Variants in SYNPR observed in about 807,000 individuals in gnomAD.
SYNPR encodes synaptoporin.
Under a neutral mutation model 32.9 loss-of-function variants are expected in SYNPR, and 23 were observed. That is an observed-to-expected ratio of 0.70 (90% CI 0.50 to 0.99). The LOEUF is 0.99. Among genes scored for constraint, SYNPR ranks in the 50% least tolerant of loss-of-function variants. SYNPR has a pLI of 0.00. For missense variants in SYNPR, 318 were observed against 349.3 expected, an observed-to-expected ratio of 0.91 and a Z score of 0.71; for synonymous variants, 146 against 135.9, an observed-to-expected ratio of 1.07 and a Z score of -0.52.
At chr3:63,521,867 C>T (rs1039469553) in intron 3 of SYNPR, among the ~76,000 whole-genome samples, 1 of 152,166 alleles carries the variant, frequency 6.6e-6, no homozygotes, top group Non-Finnish European at 1.5e-5. Flanking sequence ...TGAGGGCTGG[C>T]ATTGGCCATA....
intron 1 of SYNPR, among the ~76,000 whole-genome samples, chr3:63,252,318 A>G (rs1485684912): frequency 6.6e-6 from 1 of 152,186 alleles, no homozygotes; most frequent in African/African-American, 2.4e-5. Context: ...ATAATACATA[A>G]TAAAATATCC....
intron 2 of SYNPR, among the ~76,000 whole-genome samples, chr3:63,449,711 A>T (rs76834879): frequency 6.6e-6 from 1 of 152,116 alleles, no homozygotes; most frequent in Admixed American, 6.5e-5. Context: ...CCCCGAATAT[A>T]CTAGTGCCAT....
At chr3:63,595,876 T>TTTATATATATATAG (rs1699949036) in intron 4 of SYNPR, among the ~76,000 whole-genome samples, 3 of 91,300 alleles carry the variant, frequency 3.3e-5, no homozygotes, top group African/African-American at 1.2e-4. Flanking sequence ...TATATATAAT[T>TTTATATATATATAG]TTATATATAT....
intron 2 of SYNPR, among the ~76,000 whole-genome samples, chr3:63,417,274 C>T (rs1214398525): frequency 6.6e-6 from 1 of 152,248 alleles, no homozygotes; most frequent in Non-Finnish European, 1.5e-5. Flanking sequence ...TGATCTCCTC[C>T]TTTGACTCCA....
chr3:63,578,390 G>A (rs1703029238), intron 4 of SYNPR, among the ~76,000 whole-genome samples: 1 of 152,146 alleles, frequency 6.6e-6, no homozygotes, highest in Admixed American at 6.6e-5. Context: ...GTAGGTGTAA[G>A]GAGAGAGTGA....
intron 2 of SYNPR, among the ~76,000 whole-genome samples, chr3:63,258,403 C>G (rs1470156681): frequency 1.3e-5 from 2 of 152,156 alleles, no homozygotes; most frequent in African/African-American, 4.8e-5. Flanking sequence ...AACTAGAACT[C>G]AGGATTAAGA....
intron 2 of SYNPR, among the ~76,000 whole-genome samples, chr3:63,432,658 AGAAAGAGGTAG>A (rs1454644578): frequency 1.3e-5 from 2 of 152,184 alleles, no homozygotes; most frequent in Non-Finnish European, 1.5e-5. Context: ...GACCCAGATA[AGAAAGAGGTAG>A]GAGAGGGAGA....
intron 2 of SYNPR, among the ~76,000 whole-genome samples, chr3:63,365,392 G>C (rs2087718477): frequency 6.6e-6 from 1 of 152,152 alleles, no homozygotes; most frequent in African/African-American, 2.4e-5. Context: ...AGTAGCGACA[G>C]TTCAGCACTC....
At chr3:63,355,251 C>G (rs2087562036) in intron 2 of SYNPR, among the ~76,000 whole-genome samples, 1 of 150,774 alleles carries the variant, frequency 6.6e-6, no homozygotes, top group Non-Finnish European at 1.5e-5. Context: ...TGCACTCCAG[C>G]CTGGGTGACA....
chr3:63,327,720 AAAT>A (rs1166418110), intron 2 of SYNPR, among the ~76,000 whole-genome samples: 1 of 152,172 alleles, frequency 6.6e-6, no homozygotes, highest in Non-Finnish European at 1.5e-5. Flanking sequence ...TTGTGTTCAA[AAAT>A]ATTTTTAAAA....
intron 3 of SYNPR, among the ~76,000 whole-genome samples, chr3:63,491,390 A>G (rs1030993219): frequency 6.6e-6 from 1 of 152,052 alleles, no homozygotes; most frequent in Non-Finnish European, 1.5e-5. Context: ...GGGAGGGAAG[A>G]CACCCCTAAG....
chr3:63,608,487 A>G (rs1174030888), intron 4 of SYNPR, among the ~76,000 whole-genome samples: 2 of 152,208 alleles, frequency 1.3e-5, no homozygotes, highest in Non-Finnish European at 2.9e-5. Context: ...CAGGCACTCA[A>G]AAACATTACA....
At chr3:63,598,072 T>A (rs774019989) in intron 4 of SYNPR, among the ~76,000 whole-genome samples, 20 of 152,232 alleles carry the variant, frequency 1.3e-4, no homozygotes, top group Non-Finnish European at 1.8e-4. Context: ...TCTCTCTGTA[T>A]AAAAGTGTCA....
chr3:63,320,265 C>G (rs1305753241), intron 2 of SYNPR, among the ~76,000 whole-genome samples: 1 of 151,992 alleles, frequency 6.6e-6, no homozygotes, highest in African/African-American at 2.4e-5. Flanking sequence ...TTTATTTTCA[C>G]TATTTCCTGA....
At chr3:63,569,943 C>G (rs1209732038) in intron 4 of SYNPR, among the ~76,000 whole-genome samples, 1 of 152,222 alleles carries the variant, frequency 6.6e-6, no homozygotes, top group Non-Finnish European at 1.5e-5. Flanking sequence ...CCAACTCTGC[C>G]TGCTGCAGTC....
At chr3:63,345,820 CTT>C (rs56394319) in intron 2 of SYNPR, among the ~76,000 whole-genome samples, 2 of 148,494 alleles carry the variant, frequency 1.3e-5, no homozygotes, top group African/African-American at 5.0e-5. Context: ...TTTTCTGGAA[CTT>C]TTTTTTTTTT....
At chr3:63,398,479 G>C (rs888013773) in intron 2 of SYNPR, among the ~76,000 whole-genome samples, 1 of 152,004 alleles carries the variant, frequency 6.6e-6, no homozygotes, top group Non-Finnish European at 1.5e-5. Context: ...CCAGCACTTT[G>C]GGAGGCCAAG....
chr3:63,603,288 A>C (rs914391762), intron 4 of SYNPR, among the ~76,000 whole-genome samples: 5 of 152,186 alleles, frequency 3.3e-5, no homozygotes, highest in African/African-American at 9.6e-5. Flanking sequence ...TATCATCTGC[A>C]AAGGGGATAG....
the SYNPR span, among the ~76,000 whole-genome samples, chr3:63,202,368 C>A: frequency 1.3e-5 from 2 of 152,100 alleles, no homozygotes; most frequent in African/African-American, 4.8e-5. Context: ...TCTCCACACC[C>A]TGCTTGCAGA....
Sources: gnomAD v4.1 joint callset for allele counts (sites outside exome capture counted in the v4.1 genomes callset) on GRCh38, gnomAD v4.1.1 for gene constraint, MANE v1.5 for transcripts, NCBI Gene and HGNC (gene_info 2026-07-23, HGNC 2026-07-21) for gene names.